BCAT1: variants seen among roughly 807,000 people sequenced by gnomAD.
BCAT1 encodes the protein branched-chain-amino-acid aminotransferase, cytosolic.
In BCAT1, 48 loss-of-function variants were observed where a neutral mutation model predicts 52.4. That is an observed-to-expected ratio of 0.92 (90% CI 0.73 to 1.16). The LOEUF (loss-of-function observed/expected upper bound fraction) is 1.16. Among genes scored for constraint, BCAT1 ranks in the 50% most tolerant of loss-of-function variants. The pLI is 0.00. For synonymous variants in BCAT1, 167 were observed against 161.3 expected (o/e 1.04, Z -0.27); for missense variants, 451 against 457.1 (o/e 0.99, Z 0.12).
intron 3 of BCAT1, among the ~76,000 whole-genome samples, chr12:24,890,879 C>A (rs778185900): frequency 5.3e-5 from 8 of 152,090 alleles, no homozygotes; most frequent in Non-Finnish European, 1.0e-4. Context: ...TCTTGTGCAA[C>A]ATCCAAGAAC....
At chr12:24,907,976 C>T (rs1943254647) in intron 1 of BCAT1, among the ~76,000 whole-genome samples, 1 of 152,240 alleles carries the variant, frequency 6.6e-6, no homozygotes, top group East Asian at 1.9e-4. Context: ...CATCCCACCT[C>T]ACCCAGTGCC....
chr12:24,846,552 A>G (rs1941350193), intron 6 of BCAT1, among the ~76,000 whole-genome samples: 1 of 152,240 alleles, frequency 6.6e-6, no homozygotes, highest in African/African-American at 2.4e-5. Context: ...AAATTCTATT[A>G]TGTAAAATTT....
At chr12:24,944,929 G>A (rs770538945) in intron 1 of BCAT1, among the ~76,000 whole-genome samples, 23 of 151,912 alleles carry the variant, frequency 1.5e-4, no homozygotes, top group Non-Finnish European at 2.9e-4. Flanking sequence ...TTTAGAGTTT[G>A]TTTTTCCCAT....
intron 1 of BCAT1, 200 bp from the exon 2 acceptor site, chr12:24,902,085 C>T: frequency 6.7e-7 from 1 of 1,487,420 alleles, no homozygotes; most frequent in Non-Finnish European, 8.9e-7. Flanking sequence ...GCACTTCCCA[C>T]CCTGCCGGGG....
intron 1 of BCAT1, among the ~76,000 whole-genome samples, chr12:24,944,467 T>A (rs1008676072): frequency 6.6e-6 from 1 of 152,218 alleles, no homozygotes; most frequent in Non-Finnish European, 1.5e-5. Context: ...GTCAGTCACG[T>A]TAAGAGACAG....
At chr12:24,902,716 G>C (rs1943145193) in intron 1 of BCAT1, 2 of 642,152 alleles carry the variant, frequency 3.1e-6, no homozygotes, top group Non-Finnish European at 5.0e-6. Flanking sequence ...ACCCATGAGG[G>C]TGCTAGACCT....
intron 5 of BCAT1, among the ~76,000 whole-genome samples, chr12:24,864,205 C>T (rs537273235): frequency 3.1e-4 from 47 of 152,248 alleles, no homozygotes; most frequent in Admixed American, 4.6e-4. Context: ...TGGTTATTAT[C>T]GCACCAGGAA....
rs1942488620 is a variant in BCAT1, at chr12:24,881,334, T to C, written c.357A>G (p.Arg119=). 1.3e-5 allele frequency: 21 copies of C among 1,612,964 alleles called. No homozygotes were observed. Among genetic ancestry groups the C allele is most frequent in the Non-Finnish European group, 1.6e-5 (19 of 1,179,128 alleles). Residue 119 remains arginine, a synonymous_variant, in exon 4 of 11, where the codon AGA becomes AGG. Transcript: ENST00000261192. ...TTGCCCTCACAGCAGAGCGATACATTCTATCCATGTTGAGGTTTGGCTGAA... is the reference window on the plus strand; with the variant it reads ...TTGCCCTCACAGCAGAGCGATACATCCTATCCATGTTGAGGTTTGGCTGAA... ...RLFQPNLNMD[R]MYRSAVRATL...
intron 10 of BCAT1, among the ~76,000 whole-genome samples, chr12:24,823,610 C>A (rs574357611): frequency 9.2e-5 from 14 of 152,094 alleles, no homozygotes; most frequent in Non-Finnish European, 2.1e-4. Context: ...TGGGAGCAAA[C>A]CTCCCCCTTG....
At chr12:24,906,624 A>T (rs1214577386) in intron 1 of BCAT1, among the ~76,000 whole-genome samples, 2 of 152,242 alleles carry the variant, frequency 1.3e-5, no homozygotes, top group Non-Finnish European at 2.9e-5. Flanking sequence ...GATGTCAGCC[A>T]TGCAGAATAG....
chr12:24,947,921 T>C (rs1192601577), intron 1 of BCAT1, among the ~76,000 whole-genome samples: 1 of 152,226 alleles, frequency 6.6e-6, no homozygotes, highest in Non-Finnish European at 1.5e-5. Context: ...ACGCATAGTT[T>C]CCACTCGGTT....
At chr12:24,833,338 G>C (rs1465141464) in intron 8 of BCAT1, among the ~76,000 whole-genome samples, 2 of 151,990 alleles carry the variant, frequency 1.3e-5, no homozygotes, top group African/African-American at 2.4e-5. Context: ...GGCCAACCTG[G>C]TAAAACCCTG....
intron 1 of BCAT1, among the ~76,000 whole-genome samples, chr12:24,909,077 T>C (rs1943272486): frequency 1.3e-5 from 2 of 152,224 alleles, no homozygotes; most frequent in Non-Finnish European, 2.9e-5. Context: ...TTCAGTTATA[T>C]GTAGCCCTTG....
chr12:24,944,576 C>G (rs1387635389), intron 1 of BCAT1, among the ~76,000 whole-genome samples: 1 of 152,192 alleles, frequency 6.6e-6, no homozygotes. Flanking sequence ...ATGTCCCAGG[C>G]TTCCTAAGTC....
chr12:24,860,234 A>C (rs957466975), intron 5 of BCAT1, among the ~76,000 whole-genome samples: 1 of 151,070 alleles, frequency 6.6e-6, no homozygotes, highest in African/African-American at 2.5e-5. Context: ...GAGGAAAAAA[A>C]CTTTCAAGAG....
intron 3 of BCAT1, among the ~76,000 whole-genome samples, chr12:24,887,093 A>ATG (rs1942700717): frequency 9.1e-6 from 1 of 109,908 alleles, no homozygotes; most frequent in Admixed American, 9.8e-5. Context: ...ATATATATAT[A>ATG]TATATATATA....
At chr12:24,881,565 A>C (rs1424579496) in intron 3 of BCAT1, among the ~76,000 whole-genome samples, 154 bp from the exon 4 acceptor site, 1 of 152,222 alleles carries the variant, frequency 6.6e-6, no homozygotes, top group Non-Finnish European at 1.5e-5. Context: ...GAAAGCTAAC[A>C]GTTGACAGGA....
At chr12:24,898,177 C>A (rs1197471520) in intron 2 of BCAT1, among the ~76,000 whole-genome samples, 2 of 152,040 alleles carry the variant, frequency 1.3e-5, no homozygotes, top group Non-Finnish European at 2.9e-5. Context: ...AAAGTATTTT[C>A]TTTTTCTAGA....
At chr12:24,828,779 G>A (rs1375992643) in intron 10 of BCAT1, among the ~76,000 whole-genome samples, 1 of 152,186 alleles carries the variant, frequency 6.6e-6, no homozygotes, top group Admixed American at 6.5e-5. Flanking sequence ...GCCAAGGCGG[G>A]TGGATCACCT....
Sources: gnomAD v4.1 joint callset for allele counts (sites outside exome capture counted in the v4.1 genomes callset) on GRCh38, gnomAD v4.1.1 for gene constraint, MANE v1.5 for transcripts, NCBI Gene and HGNC (gene_info 2026-07-23, HGNC 2026-07-21) for gene names.